EAPP: variants seen among roughly 807,000 people sequenced by gnomAD.
EAPP encodes the protein E2F-associated phosphoprotein.
A neutral mutation model predicts 34.3 loss-of-function variants in EAPP; 38 were observed. The observed-to-expected ratio is 1.11, with a 90% CI of 0.85 to 1.45. The LOEUF is 1.45. EAPP is among the 40% of genes most tolerant of loss of function. The probability of loss-of-function intolerance (pLI) is 0.00; values close to 1 mark genes in which losing one functional copy is unlikely to be tolerated. For missense variants in EAPP, 338 were observed against 343.7 expected (o/e 0.98, Z 0.13); for synonymous variants, 113 against 117.6 (o/e 0.96, Z 0.25).
At chr14:34,536,352 C>T in intron 1 of EAPP, 77 bp from the exon 2 acceptor site, 1 of 1,157,776 alleles carries the variant, frequency 8.6e-7, no homozygotes, top group Non-Finnish European at 1.2e-6. Context: ...ATCTCACTGT[C>T]CAACAACAAT....
At chr14:34,535,605 T>C (rs1021711103) in intron 2 of EAPP, among the ~76,000 whole-genome samples, 1 of 151,718 alleles carries the variant, frequency 6.6e-6, no homozygotes, top group Non-Finnish European at 1.5e-5. Context: ...GCTAATTTTT[T>C]GTATTTTTAG....
At chr14:34,522,932 A>C (rs1879966563) in intron 5 of EAPP, among the ~76,000 whole-genome samples, 1 of 152,172 alleles carries the variant, frequency 6.6e-6, no homozygotes. Flanking sequence ...AAAGGTAAAG[A>C]AGCTGGTTGT....
At chr14:34,530,904 C>CAAAAAAA (rs780101001) in intron 3 of EAPP, among the ~76,000 whole-genome samples, 162 of 55,070 alleles carry the variant, frequency 2.9e-3, no homozygotes, top group East Asian at 3.9e-3. Flanking sequence ...CAATCTTTAC[C>CAAAAAAA]AAAAAAAAAA....
intron 3 of EAPP, among the ~76,000 whole-genome samples, chr14:34,530,175 G>A (rs1880236208): frequency 6.6e-6 from 1 of 151,916 alleles, no homozygotes; most frequent in Non-Finnish European, 1.5e-5. Flanking sequence ...ACTCCAGCCT[G>A]GGCAACAAGA....
Position 34,516,117 on chromosome 14 carries a change from G to A in EAPP, c.*193C>T, listed in dbSNP as rs1879709426. The A allele has an allele frequency of 5.9e-6, 3 of 510,780 alleles. No homozygotes were observed. The highest frequency in any genetic ancestry group is 1.0e-5 in the Non-Finnish European group (3 of 300,094). The allele number at this position is 510,780 out of a possible 1,614,324, so 31.6% of individuals were successfully genotyped here. A position where few individuals can be genotyped will look rare whatever the true frequency, so the allele number is the denominator to read the frequency against. ...ATGAATATCAGTCCCATCAATAAGG[G>A]GGAAAATCAAAGAAAAAAAAAAGGA... On this transcript the variant is annotated 3_prime_UTR_variant, in exon 6 of 6. Coordinates refer to ENST00000250454, the MANE Select transcript of EAPP (RefSeq NM_018453.4).
Position 34,539,575 on chromosome 14 carries a change from G to A in EAPP, c.54C>T (p.Asp18=). Reference sequence around the variant, plus strand: ...CCCACCTGCTCAAAGCCGGCTCCTCGTCGCTAGGCTCTTCAACCGCGTAGG... The same window carrying A: ...CCCACCTGCTCAAAGCCGGCTCCTCATCGCTAGGCTCTTCAACCGCGTAGG... ...YDPYAVEEPS[D]EEPALSSSED... is the part of the protein sequence containing the mutation. Residue 18 remains aspartate, a synonymous_variant, in exon 1 of 6, where the codon GAC becomes GAT. Transcript: ENST00000250454. 1.2e-6 allele frequency: 2 copies of A among 1,602,958 alleles called. No homozygotes were observed. The highest frequency in any genetic ancestry group is 1.7e-6 in the Non-Finnish European group (2 of 1,175,158).
rs776731287 is a variant in EAPP at position 34,536,188 on chromosome 14, T to C, written c.162A>G (p.Glu54=). 1.2e-6 allele frequency: 2 copies of C among 1,612,726 alleles called. No individual in the cohort carries two copies. Among genetic ancestry groups the C allele is most frequent in the South Asian group, 2.2e-5 (2 of 90,784 alleles). The change falls in exon 2 of 6, where the codon GAA becomes GAG. Residue 54 remains glutamate, a synonymous_variant. Coordinates refer to ENST00000250454, the MANE Select transcript of EAPP (RefSeq NM_018453.4). The stretch of plus-strand genomic sequence containing the variant: ...TTTCAAATTCATCTTCACTAGATGA[T>C]TCACTTTCTCCGGTAAGACATTCTC... The part of the protein sequence containing the change: ...LIRECLTGES[E]SSSEDEFEKE...
chr14:34,532,295 T>TA (rs1594668331), intron 3 of EAPP, among the ~76,000 whole-genome samples: 1 of 151,496 alleles, frequency 6.6e-6, no homozygotes, highest in Non-Finnish European at 1.5e-5. Flanking sequence ...CCGTTTCTCC[T>TA]AAAAAAACAA....
In EAPP at chr14:34,520,193, T is replaced by C. The variant is rs1334886126; in HGVS notation, c.582-3607A>G. On this transcript the variant is annotated intron_variant, in intron 5 of 5. Transcript: ENST00000250454. Reference sequence around the variant, plus strand: ...TGAGCCACCATGCCTGGCCCAGTTCTTTCTTTTCTCTCTTTATTTTTTTCT... The same window carrying C: ...TGAGCCACCATGCCTGGCCCAGTTCCTTCTTTTCTCTCTTTATTTTTTTCT... Among the ~76,000 whole-genome samples the C allele has an allele frequency of 4.7e-5, 7 of 149,732 alleles. No individual in the cohort carries two copies. The South Asian group carries it at 6.4e-4, about 14-fold the overall frequency.
intron 5 of EAPP, among the ~76,000 whole-genome samples, chr14:34,523,216 C>T (rs1839927597): frequency 1.3e-5 from 2 of 149,234 alleles, no homozygotes; most frequent in African/African-American, 4.9e-5. Flanking sequence ...TTCTATGCTG[C>T]TATTTTGCAC....
chr14:34,533,021 A>T (rs1291019739), intron 3 of EAPP, among the ~76,000 whole-genome samples: 1 of 149,208 alleles, frequency 6.7e-6, no homozygotes, highest in African/African-American at 2.5e-5. Flanking sequence ...TTTCACATCA[A>T]TGGCATCCAC....
intron 2 of EAPP, among the ~76,000 whole-genome samples, chr14:34,533,826 T>G (rs1475770699): frequency 6.6e-6 from 1 of 152,072 alleles, no homozygotes; most frequent in East Asian, 1.9e-4. Context: ...AGCACACATA[T>G]CTCTACCTTT....
At chr14:34,520,658 T>A (rs1351276235) in intron 5 of EAPP, among the ~76,000 whole-genome samples, 5 of 151,866 alleles carry the variant, frequency 3.3e-5, no homozygotes, top group Non-Finnish European at 7.4e-5. Context: ...AATGCCACCA[T>A]GCTCAGCTAA....
At position 34,516,320 on chromosome 14, in the gene EAPP, C is replaced by G; in HGVS notation, c.848G>C (p.Ser283Thr). Residue 283 changes from serine (S) to threonine (T), a missense_variant, in exon 6 of 6, where the codon AGC becomes ACC. Physicochemically the swap from Ser to Thr is moderately conservative, Grantham distance 58. Transcript: ENST00000250454. ...TGCCAGTTGGGCTGTTTAGGAATGG[C>G]TTGCTAAAACATTGAAAAAATGAAA... ...EVFHFFNVLA[S>T]HS 1 of 1,610,384 alleles carries G rather than the reference C, an allele frequency of 6.2e-7. No individual in the cohort carries two copies. Among genetic ancestry groups the G allele is most frequent in the Non-Finnish European group, 8.5e-7 (1 of 1,177,882 alleles).
chr14:34,522,579 G>T lies in EAPP; in HGVS notation c.581+2118C>A, dbSNP rs1594659522. Among the ~76,000 whole-genome samples, 4 of 152,090 alleles carry T rather than the reference G, an allele frequency of 2.6e-5. No homozygotes were observed. The East Asian group carries it at 7.7e-4, about 29-fold the overall frequency. ...TGGTTATTAGATATGTTTGCCTAGA[G>T]ATTCTTTGTAATTTGCAATTTGCAT... On this transcript the variant is annotated intron_variant, in intron 5 of 5. Transcript: ENST00000250454.
intron 4 of EAPP, among the ~76,000 whole-genome samples, chr14:34,528,045 ATT>A (rs33982261): frequency 7.0e-6 from 1 of 142,406 alleles, no homozygotes; most frequent in Non-Finnish European, 1.5e-5. Flanking sequence ...CCTCATCTCA[ATT>A]TTTTTTTTTT....
intron 3 of EAPP, among the ~76,000 whole-genome samples, chr14:34,530,087 C>T (rs1342299379): frequency 6.6e-6 from 1 of 151,924 alleles, no homozygotes; most frequent in East Asian, 1.9e-4. Context: ...ACAATCCCAG[C>T]TACCTGGGAG....
At position 34,539,678 on chromosome 14, in the gene EAPP, G is replaced by A; in HGVS notation, c.-50C>T. ...TCCACAAGCAATTTGCAGCGTCTCT[G>A]TTTACACTGCAAGTCCAGTCCCTAA... On this transcript the variant is annotated 5_prime_UTR_variant, in exon 1 of 6. Transcript: ENST00000250454. 6.7e-7 allele frequency: 1 copy of A among 1,487,684 alleles called. No individual in the cohort carries two copies. Among genetic ancestry groups the A allele is most frequent in the Non-Finnish European group, 9.0e-7 (1 of 1,115,192 alleles). The allele number at this position is 1,487,684 out of a possible 1,614,324, so 92.2% of individuals were successfully genotyped here. A position where few individuals can be genotyped will look rare whatever the true frequency, so the allele number is the denominator to read the frequency against.
chr14:34,532,989 T>A (rs1351018446), intron 3 of EAPP, among the ~76,000 whole-genome samples: 1 of 150,550 alleles, frequency 6.6e-6, no homozygotes, highest in Non-Finnish European at 1.5e-5. Flanking sequence ...CAGTTTTTCT[T>A]ATTAATCAAT....
Sources: allele counts gnomAD v4.1 joint callset (sites outside exome capture counted in the v4.1 genomes callset), GRCh38; gene constraint gnomAD v4.1.1; transcripts MANE v1.5; gene names NCBI Gene and HGNC (gene_info 2026-07-23, HGNC 2026-07-21).